EIF2AK1: variants seen among roughly 807,000 people sequenced by gnomAD.
EIF2AK1 encodes the protein eukaryotic translation initiation factor 2 alpha kinase 1.
EIF2AK1 carries 54 observed loss-of-function variants against 77.9 expected under a neutral mutation model. The observed-to-expected ratio is 0.69, with a 90% CI of 0.56 to 0.87. The LOEUF (loss-of-function observed/expected upper bound fraction) is 0.87, where lower values mean the gene tolerates loss of function less well. EIF2AK1 is among the 40% of genes least tolerant of loss of function. EIF2AK1 has a pLI of 0.00. For synonymous variants in EIF2AK1, 314 were observed against 290.5 expected (o/e 1.08, Z -0.82); for missense variants, 810 against 768.6 (o/e 1.05, Z -0.64).
At chr7:6,058,152 A>G (rs1788843006) in intron 1 of EIF2AK1, 4 of 455,716 alleles carry the variant, frequency 8.8e-6, no homozygotes, top group South Asian at 4.6e-5. Context: ...GCTCACATCT[A>G]TAATCCCAGC....
intron 2 of EIF2AK1, among the ~76,000 whole-genome samples, chr7:6,050,540 C>A (rs1177099501): frequency 1.3e-5 from 2 of 151,396 alleles, no homozygotes; most frequent in African/African-American, 4.9e-5. Flanking sequence ...GGGAATGATT[C>A]TCTAAAAGAG....
rs564892349 is a variant in EIF2AK1, at chr7:6,040,830, G to T, written c.1119+62C>A. 879 of 1,355,900 alleles carry T rather than the reference G, an allele frequency of 6.5e-4. 7 individuals carry two copies. In the African/African-American group the frequency reaches 0.012, roughly 18 times the overall value. The allele number at this position is 1,355,900 out of a possible 1,614,324, so 84.0% of individuals were successfully genotyped here. On this transcript the variant is annotated intron_variant, in intron 9 of 14. Coordinates refer to ENST00000199389, the MANE Select transcript of EIF2AK1 (RefSeq NM_014413.4). ...CAGAGCTGAGAGAGGGCGAGAGAAGGCCACACACCTGCACAGTCACCAATA... is the reference window on the plus strand; with the variant it reads ...CAGAGCTGAGAGAGGGCGAGAGAAGTCCACACACCTGCACAGTCACCAATA...
Position 6,024,550 on chromosome 7 carries a change from T to C in EIF2AK1, c.*123A>G. 6.6e-7 allele frequency: 1 copy of C among 1,513,370 alleles called. No homozygotes were observed. Among genetic ancestry groups the C allele is most frequent in the Non-Finnish European group, 8.8e-7 (1 of 1,138,282 alleles). 93.7% of individuals were successfully genotyped at this position (1,513,370 alleles called of 1,614,324 possible). On this transcript the variant is annotated 3_prime_UTR_variant, in exon 15 of 15. Transcript: ENST00000199389. ...GGGAAGGAACGGCAGCTTGGGGCAC[T>C]CTGACATCTTTAACAAGTCTTGTAA... is the stretch of plus-strand genomic sequence containing the variant.
At position 6,027,300 on chromosome 7, in the gene EIF2AK1, C is replaced by T. The variant is rs879875828; in HGVS notation, c.1531-339G>A. Among the ~76,000 whole-genome samples, 11 of 152,184 alleles carry T rather than the reference C, an allele frequency of 7.2e-5. No homozygotes were observed. The highest frequency in any genetic ancestry group is 2.2e-4 in the African/African-American group (9 of 41,448). The stretch of plus-strand genomic sequence containing the variant: ...AGCTCACGCCTGCTAGTGTCAGCTG[C>T]GGGGGAGCCACAGAAGGTCGCGGGT... On this transcript the variant is annotated intron_variant, in intron 13 of 14. Coordinates refer to ENST00000199389, the MANE Select transcript of EIF2AK1 (RefSeq NM_014413.4). The surrounding 1 kb of genome is among the most constrained non-coding windows in gnomAD (Gnocchi z 4.5).
chr7:6,048,102 A>C (rs1296082265), intron 4 of EIF2AK1: 1 of 152,198 alleles, frequency 6.6e-6, no homozygotes, highest in Non-Finnish European at 1.5e-5. Flanking sequence ...TAATTCACAT[A>C]CTGTCAAATT....
chr7:6,023,552 C>G lies in EIF2AK1; in HGVS notation c.*1121G>C. 2.5e-6 allele frequency: 4 copies of G among 1,614,260 alleles called. No homozygotes were observed. Among genetic ancestry groups the G allele is most frequent in the Non-Finnish European group, 2.5e-6 (3 of 1,180,052 alleles). ...CCTTGGCTCGCTGGGAATGAACTCA[C>G]CGTAGCAGACGTGGTGCTGTGGTCT... On this transcript the variant is annotated 3_prime_UTR_variant, in exon 15 of 15. Coordinates refer to ENST00000199389, the MANE Select transcript of EIF2AK1 (RefSeq NM_014413.4).
chr7:6,026,423 G>A, intron 14 of EIF2AK1: 1 of 499,398 alleles, frequency 2.0e-6, no homozygotes, highest in East Asian at 5.4e-5. Flanking sequence ...CAGGCCCCAG[G>A]AAGTTTCCTA....
chr7:6,042,452 A>T (rs925161950), intron 8 of EIF2AK1, among the ~76,000 whole-genome samples: 7 of 129,368 alleles, frequency 5.4e-5, no homozygotes, highest in African/African-American at 1.9e-4. Context: ...CTCCATCTCA[A>T]AAAAAAAAAA....
rs1260269425 is a variant in EIF2AK1 at position 6,027,685 on chromosome 7, C to A, written c.1531-724G>T. ...TTTATTTACCAAAGCTTGAAAAAAACCAATGAGAAGAAAGGCTGAAAACAG... is the reference window on the plus strand; with the variant it reads ...TTTATTTACCAAAGCTTGAAAAAAAACAATGAGAAGAAAGGCTGAAAACAG... On this transcript the variant is annotated intron_variant, in intron 13 of 14. Coordinates refer to ENST00000199389, the MANE Select transcript of EIF2AK1 (RefSeq NM_014413.4). This position sits in a 1 kb window ranked among gnomAD's most constrained non-coding sequence, Gnocchi z 4.5. Among the ~76,000 whole-genome samples, 2 of 151,914 alleles carry A rather than the reference C, an allele frequency of 1.3e-5. No individual in the cohort carries two copies. Among genetic ancestry groups the A allele is most frequent in the Non-Finnish European group, 2.9e-5 (2 of 67,988 alleles).
chr7:6,040,085 T>A (rs74199305), intron 9 of EIF2AK1, among the ~76,000 whole-genome samples: 9,142 of 152,230 alleles, frequency 0.06, 583 homozygotes, highest in East Asian at 0.34. Context: ...TTAGTTTTAT[T>A]TTTTTATTTT....
chr7:6,034,742 C>T (rs149021316), intron 11 of EIF2AK1, among the ~76,000 whole-genome samples: 15 of 152,272 alleles, frequency 9.9e-5, no homozygotes, highest in African/African-American at 3.6e-4. Context: ...ATAAACCTTC[C>T]TTTTGCTCTG....
Position 6,023,157 on chromosome 7 carries a change from A to C in EIF2AK1, c.*1516T>G. The C allele has an allele frequency of 1.1e-6, 1 of 948,298 alleles. No homozygotes were observed. The highest frequency in any genetic ancestry group is 1.5e-6 in the Non-Finnish European group (1 of 653,130). The allele number at this position is 948,298 out of a possible 1,614,324, so 58.7% of individuals were successfully genotyped here. ...TTTCAGTAGTAAGCATCTTAGAGAC[A>C]GACTGAAAATGTGATGTTCTTCTTG... On this transcript the variant is annotated 3_prime_UTR_variant, in exon 15 of 15. Coordinates refer to ENST00000199389, the MANE Select transcript of EIF2AK1 (RefSeq NM_014413.4).
intron 2 of EIF2AK1, among the ~76,000 whole-genome samples, chr7:6,050,609 T>G (rs1788582280): frequency 6.6e-6 from 1 of 150,648 alleles, no homozygotes; most frequent in Non-Finnish European, 1.5e-5. Context: ...TCTCTTTTTT[T>G]TTTTTTTTTT....
intron 9 of EIF2AK1, among the ~76,000 whole-genome samples, chr7:6,039,777 A>C (rs958492443): frequency 6.6e-6 from 1 of 151,728 alleles, no homozygotes; most frequent in African/African-American, 2.4e-5. Context: ...TCTACTAAAA[A>C]TACAAAAAAA....
intron 2 of EIF2AK1, among the ~76,000 whole-genome samples, chr7:6,052,891 G>A (rs949729633): frequency 2.0e-5 from 3 of 151,954 alleles, no homozygotes. Context: ...TGAACCCGGG[G>A]GGCGGAGATT....
Position 6,023,681 on chromosome 7 carries a change from T to C in EIF2AK1, c.*992A>G. 6.2e-7 allele frequency: 1 copy of C among 1,614,100 alleles called. No individual in the cohort carries two copies. The highest frequency in any genetic ancestry group is 8.5e-7 in the Non-Finnish European group (1 of 1,180,028). Reference sequence around the variant, plus strand: ...GCTCCTTTTAACACGGCCCTCAAGCTCCTTAAGTGAATTGCCGTAACTGAT... The same window carrying C: ...GCTCCTTTTAACACGGCCCTCAAGCCCCTTAAGTGAATTGCCGTAACTGAT... On this transcript the variant is annotated 3_prime_UTR_variant, in exon 15 of 15. Coordinates refer to ENST00000199389, the MANE Select transcript of EIF2AK1 (RefSeq NM_014413.4).
intron 7 of EIF2AK1, 141 bp downstream of exon 7, chr7:6,044,419 CAG>C (rs1312073122): frequency 1.6e-6 from 1 of 627,816 alleles, no homozygotes; most frequent in East Asian, 3.1e-5. Context: ...GCCTGGGCGA[CAG>C]AGTGAGACTC....
intron 2 of EIF2AK1, among the ~76,000 whole-genome samples, chr7:6,051,269 CTT>C (rs1389042942): frequency 2.1e-5 from 3 of 145,718 alleles, no homozygotes; most frequent in Non-Finnish European, 4.6e-5. Flanking sequence ...ATTTTTTTTT[CTT>C]TCTTTTTTTT....
rs1324594338 is a variant in EIF2AK1 at position 6,046,995 on chromosome 7, G to A, written c.546C>T (p.Tyr182=). 1.9e-6 allele frequency: 3 copies of A among 1,610,560 alleles called. No individual in the cohort carries two copies. Among genetic ancestry groups the A allele is most frequent in the Non-Finnish European group, 2.5e-6 (3 of 1,178,522 alleles). ...ILGKGGYGRV[Y]KVRNKLDGQY... is the part of the protein sequence containing the mutation. ...AAACAAGTACGTGGAAGACAACCTT[G>A]TATACTCTTCCGTATCCACCTTTTC... The change falls in exon 5 of 15, where the codon TAC becomes TAT. Residue 182 remains tyrosine (Y), a synonymous_variant. Transcript: ENST00000199389.
Sources: gnomAD v4.1 joint callset for allele counts (sites outside exome capture counted in the v4.1 genomes callset) on GRCh38, gnomAD v4.1.1 for gene constraint, Gnocchi (gnomAD v3.1) non-coding constraint, MANE v1.5 for transcripts, NCBI Gene and HGNC (gene_info 2026-07-23, HGNC 2026-07-21) for gene names.